The following OLAH variants were observed in gnomAD, a reference collection of about 807,000 sequenced individuals.
The protein encoded by OLAH is S-acyl fatty acid synthase thioesterase, medium chain.
In OLAH, 33 loss-of-function variants were observed where a neutral mutation model predicts 27.8. The ratio of observed to expected loss-of-function variants is 1.19; its 90% CI spans 0.90 to 1.59. The LOEUF is 1.59. Ranked by LOEUF, OLAH falls within the 40% of genes most tolerant of loss-of-function variation. OLAH has a pLI of 0.00. For synonymous variants in OLAH, 120 were observed against 102.9 expected (o/e 1.17, Z -1.01); for missense variants, 359 against 310.8 (o/e 1.16, Z -1.17).
At chr10:15,037,589 A>AAAAAAAAAAG (rs1843861013) in intron 1 of OLAH, among the ~76,000 whole-genome samples, 1 of 152,106 alleles carries the variant, frequency 6.6e-6, no homozygotes, top group Non-Finnish European at 1.5e-5. Context: ...TCAAAAAAAA[A>AAAAAAAAAAG]AGTGTAAGTC....
intron 4 of OLAH, 72 bp downstream of exon 4, chr10:15,061,934 TTG>T (rs780475262): frequency 6.8e-7 from 1 of 1,470,258 alleles, no homozygotes; most frequent in East Asian, 2.3e-5. Flanking sequence ...ATGTTATTCT[TTG>T]TGTTTTGTAA....
At chr10:15,048,721 TAAGTGTGCATATAAAATGCAC>T (rs1227493640) in intron 2 of OLAH, among the ~76,000 whole-genome samples, 4 of 152,220 alleles carry the variant, frequency 2.6e-5, no homozygotes, top group African/African-American at 9.6e-5. Context: ...TATGTCACTT[TAAGTGTGCATATAAAATGCAC>T]TTACTGAATG....
chr10:15,033,703 G>C (rs564442823), intron 1 of OLAH, among the ~76,000 whole-genome samples: 1 of 152,272 alleles, frequency 6.6e-6, no homozygotes, highest in East Asian at 1.9e-4. Context: ...CTTTGAACGT[G>C]CGTCCTCCAG....
chr10:15,047,096 T>G, intron 1 of OLAH, 30 bp from the exon 2 acceptor site: 1 of 478,138 alleles, frequency 2.1e-6, no homozygotes, highest in Non-Finnish European at 3.7e-6. Flanking sequence ...TTCTCCTTCC[T>G]TTTCCTCTGA....
chr10:15,056,677 C>G, intron 3 of OLAH: 1 of 765,574 alleles, frequency 1.3e-6, no homozygotes, highest in Non-Finnish European at 1.8e-6. Context: ...GTTGCCCAGG[C>G]TGGAGTACAA....
At chr10:15,046,759 C>G (rs1484874772) in intron 1 of OLAH, among the ~76,000 whole-genome samples, 2 of 152,180 alleles carry the variant, frequency 1.3e-5, no homozygotes, top group African/African-American at 2.4e-5. Context: ...AAGAGCACAA[C>G]TTTACAAACA....
chr10:15,056,604 TCTTTCCTTCCTTC>T (rs1200423869), intron 3 of OLAH, among the ~76,000 whole-genome samples: 18 of 152,034 alleles, frequency 1.2e-4, no homozygotes, highest in African/African-American at 2.7e-4. Flanking sequence ...TTCCTTTCTT[TCTTTCCTTCCTTC>T]CTTTCCTTCC....
intron 6 of OLAH, among the ~76,000 whole-genome samples, chr10:15,070,304 C>T (rs1844558476): frequency 6.6e-6 from 1 of 152,122 alleles, no homozygotes; most frequent in Non-Finnish European, 1.5e-5. Context: ...GTTATCCACA[C>T]TCTATCCAGA....
chr10:15,040,599 C>T (rs939495042), upstream of OLAH, among the ~76,000 whole-genome samples: 7 of 152,230 alleles, frequency 4.6e-5, no homozygotes, highest in Admixed American at 3.3e-4. Context: ...TCCCCACTTC[C>T]CTTTCCCCCG....
At chr10:15,068,682 C>G (rs1387700531) in intron 6 of OLAH, among the ~76,000 whole-genome samples, 2 of 152,194 alleles carry the variant, frequency 1.3e-5, no homozygotes, top group Admixed American at 1.3e-4. Flanking sequence ...AGGCATGAGC[C>G]ACCGTGCCCA....
chr10:15,063,083 T>C (rs1844400333), intron 4 of OLAH, among the ~76,000 whole-genome samples: 1 of 151,996 alleles, frequency 6.6e-6, no homozygotes, highest in African/African-American at 2.4e-5. Context: ...CTCCTATCAG[T>C]TTTTTAGGAT....
chr10:15,049,551 G>T, intron 2 of OLAH, 84 bp from the exon 3 acceptor site: 2 of 906,178 alleles, frequency 2.2e-6, no homozygotes, highest in South Asian at 2.2e-5. Flanking sequence ...AATTAATAAA[G>T]ATTTCCATTA....
intron 3 of OLAH, among the ~76,000 whole-genome samples, chr10:15,052,799 G>A (rs1000895956): frequency 4.7e-5 from 7 of 148,114 alleles, no homozygotes; most frequent in African/African-American, 1.7e-4. Flanking sequence ...CCGGAGTGCA[G>A]TGGCGTGATC....
rs146310709 is a variant in OLAH, at chr10:15,066,135, G to T, written c.572+382G>T. Among the ~76,000 whole-genome samples, 261 of 152,062 alleles carry T rather than the reference G, an allele frequency of 1.7e-3. 4 individuals carry two copies. The highest frequency in any genetic ancestry group is 5.3e-3 in the African/African-American group (221 of 41,478). ...GCACACCTGTAATCCCAGCTACTTGGGAGGCTGAGGCAGGAGAATCACTTG... is the reference window on the plus strand; with the variant it reads ...GCACACCTGTAATCCCAGCTACTTGTGAGGCTGAGGCAGGAGAATCACTTG... On this transcript the variant is annotated intron_variant, in intron 6 of 7. Transcript: ENST00000378228.
At chr10:15,044,884 T>C (rs1052849687) in intron 1 of OLAH, among the ~76,000 whole-genome samples, 1 of 152,226 alleles carries the variant, frequency 6.6e-6, no homozygotes, top group Non-Finnish European at 1.5e-5. Context: ...TGCATCTCTA[T>C]AAAGATTGCT....
At chr10:15,070,776 T>C (rs911635429) in intron 6 of OLAH, among the ~76,000 whole-genome samples, 5 of 143,704 alleles carry the variant, frequency 3.5e-5, no homozygotes, top group African/African-American at 1.0e-4. Flanking sequence ...CCACCACGCC[T>C]GAACTTTTTT....
At chr10:15,039,599 T>A (rs558130324), upstream of OLAH, among the ~76,000 whole-genome samples, 13 of 152,224 alleles carry the variant, frequency 8.5e-5, no homozygotes, top group South Asian at 6.2e-4. Flanking sequence ...GAAGATTGCA[T>A]TTGTAGGCGA....
At chr10:15,051,026 T>C (rs979746569) in intron 3 of OLAH, among the ~76,000 whole-genome samples, 22 of 151,418 alleles carry the variant, frequency 1.5e-4, no homozygotes, top group Non-Finnish European at 1.5e-4. Context: ...TTTAATGTTA[T>C]GTGCAATTGT....
chr10:15,057,430 C>G (rs1844268745), intron 3 of OLAH, among the ~76,000 whole-genome samples: 1 of 134,226 alleles, frequency 7.5e-6, no homozygotes, highest in Admixed American at 8.4e-5. Context: ...TGGAGTCTCG[C>G]TCTGGAGTGC....
Sources: gnomAD v4.1 joint callset for allele counts (sites outside exome capture counted in the v4.1 genomes callset) on GRCh38, gnomAD v4.1.1 for gene constraint, MANE v1.5 for transcripts, NCBI Gene and HGNC (gene_info 2026-07-23, HGNC 2026-07-21) for gene names.